TMPRSS6: variants seen among roughly 807,000 people sequenced by gnomAD.
TMPRSS6 encodes the protein transmembrane protease serine 6.
A neutral mutation model predicts 101.5 loss-of-function variants in TMPRSS6; 67 were observed. The ratio of observed to expected loss-of-function variants is 0.66; its 90% CI spans 0.54 to 0.81. The LOEUF is 0.81. Ranked by LOEUF, TMPRSS6 falls within the 30% of genes least tolerant of loss-of-function variation. The pLI, the probability that TMPRSS6 is intolerant of heterozygous loss-of-function variation, is 0.00. For missense variants in TMPRSS6, 1,034 were observed against 1,088.7 expected, an observed-to-expected ratio of 0.95 and a Z score of 0.71; for synonymous variants, 453 against 464.9, an observed-to-expected ratio of 0.97 and a Z score of 0.33.
intron 2 of TMPRSS6, among the ~76,000 whole-genome samples, chr22:37,099,746 A>G (rs1930135144): frequency 6.6e-6 from 1 of 152,174 alleles, no homozygotes; most frequent in Non-Finnish European, 1.5e-5. Context: ...GTCAGGGAAG[A>G]AGGTGATGTA....
At chr22:37,084,441 G>A (rs1336459507) in intron 9 of TMPRSS6, 37 bp from the exon 10 acceptor site, 1 of 1,514,842 alleles carries the variant, frequency 6.6e-7, no homozygotes, top group Non-Finnish European at 9.1e-7. Flanking sequence ...TGGCCCATGG[G>A]GTGTGGCCAG....
rs148600064 is a variant in TMPRSS6, at chr22:37,067,193, G to A, written c.2114-231C>T. Among the ~76,000 whole-genome samples, 413 of 152,280 alleles carry A rather than the reference G, an allele frequency of 2.7e-3. 1 individual carries two copies. The highest frequency in any genetic ancestry group is 9.1e-3 in the African/African-American group (379 of 41,558). ...CCGACCAAAGCCCATGTGGAGGGCC[G>A]GGCACGGTGGCTCATGCCTGTAATC... On this transcript the variant is annotated intron_variant, in intron 16 of 17. Coordinates refer to ENST00000676104, the MANE Select transcript of TMPRSS6 (RefSeq NM_001374504.1).
chr22:37,084,205 T>C, intron 10 of TMPRSS6, 90 bp downstream of exon 10: 2 of 1,150,768 alleles, frequency 1.7e-6, no homozygotes, highest in Non-Finnish European at 2.5e-6. Context: ...ATTGGGGACT[T>C]GGGCTTCCAA....
At chr22:37,096,216 C>G in intron 4 of TMPRSS6, 126 bp from the exon 5 acceptor site, 4 of 1,092,762 alleles carry the variant, frequency 3.7e-6, no homozygotes, top group Middle Eastern at 5.1e-4. Context: ...CACGCAGAAG[C>G]CTCCTAGCGA....
chr22:37,084,898 G>A, intron 8 of TMPRSS6, 59 bp from the exon 9 acceptor site: 2 of 1,367,194 alleles, frequency 1.5e-6, no homozygotes, highest in Non-Finnish European at 2.0e-6. Context: ...CCAGCAGGCT[G>A]GCGCAGCTTG....
chr22:37,076,234 A>T (rs1415083107), intron 10 of TMPRSS6, among the ~76,000 whole-genome samples: 1 of 151,908 alleles, frequency 6.6e-6, no homozygotes, highest in African/African-American at 2.4e-5. Flanking sequence ...ACGAGGGGGC[A>T]GCAGTGCTCC....
intron 5 of TMPRSS6, 37 bp from the exon 6 acceptor site, chr22:37,095,629 C>CAGAAAAAAAAAAAAAAAAAAAAAAAAAAA: frequency 8.5e-7 from 1 of 1,176,576 alleles, no homozygotes; most frequent in South Asian, 1.6e-5. Flanking sequence ...TAAACAAGAA[C>CAGAAAAAAAAAAAAAAAAAAAAAAAAAAA]AAAAAAAAAA....
At chr22:37,078,973 A>AAAAAAG (rs1555888508) in intron 10 of TMPRSS6, among the ~76,000 whole-genome samples, 1 of 106,510 alleles carries the variant, frequency 9.4e-6, no homozygotes, top group African/African-American at 3.6e-5. Flanking sequence ...GAAAGAAAGA[A>AAAAAAG]AAAGAAAGAA....
rs116273559 is a variant in TMPRSS6, at chr22:37,105,317, A to G, written c.-1-1899T>C. On this transcript the variant is annotated intron_variant, in intron 1 of 17. Coordinates refer to ENST00000676104, the MANE Select transcript of TMPRSS6 (RefSeq NM_001374504.1). ...CATTCCTGCATGTGGAGTGGGCCCT[A>G]CTGGCTTTTATGGGGCCAAGGCCAG... Among the ~76,000 whole-genome samples the G allele has an allele frequency of 7.0e-3, 1,061 of 152,302 alleles. 8 individuals are homozygous for G. Among genetic ancestry groups the G allele is most frequent in the African/African-American group, 0.024 (1,012 of 41,568 alleles).
intron 13 of TMPRSS6, 68 bp downstream of exon 13, chr22:37,073,464 G>T: frequency 1.9e-6 from 2 of 1,046,130 alleles, no homozygotes; most frequent in Non-Finnish European, 1.5e-6. Context: ...AGAAACTTTT[G>T]CTGAAGCATG....
chr22:37,074,808 C>T (rs1023148037), intron 11 of TMPRSS6, 100 bp from the exon 12 acceptor site: 231 of 1,257,210 alleles, frequency 1.8e-4, no homozygotes, highest in Non-Finnish European at 2.6e-4. Flanking sequence ...TTCACTCACA[C>T]GCGCATGGAC....
At chr22:37,088,078 C>A (rs183284561) in intron 7 of TMPRSS6, among the ~76,000 whole-genome samples, 132 of 152,268 alleles carry the variant, frequency 8.7e-4, no homozygotes, top group Admixed American at 2.4e-3. Flanking sequence ...AGGAACAGAG[C>A]TGGGCCTGGC....
chr22:37,096,041 G>T lies in TMPRSS6; in HGVS notation c.454C>A (p.His152Asn). The change falls in exon 5 of 18, where the codon CAC becomes AAC. Residue 152 changes from histidine to asparagine, a missense_variant. Coordinates refer to ENST00000676104, the MANE Select transcript of TMPRSS6 (RefSeq NM_001374504.1). ...FFWFILQIPE[H>N]RRLMLSPEVV... ...TCGGGGCTCAGCATCAGCCGGCGGT[G>T]CTCGGGGATTTGGAGAATGAACCAG... 5 of 1,614,226 alleles carry T rather than the reference G, an allele frequency of 3.1e-6. No homozygotes were observed. Among genetic ancestry groups the T allele is most frequent in the South Asian group, 1.1e-5 (1 of 91,086 alleles).
chr22:37,094,060 A>G (rs1285751284), intron 6 of TMPRSS6, among the ~76,000 whole-genome samples: 1 of 152,084 alleles, frequency 6.6e-6, no homozygotes, highest in African/African-American at 2.4e-5. Flanking sequence ...TGGGCTATAC[A>G]AAATCAGGCA....
At chr22:37,072,599 AT>A (rs1324079410) in intron 13 of TMPRSS6, among the ~76,000 whole-genome samples, 7 of 134,988 alleles carry the variant, frequency 5.2e-5, no homozygotes, top group African/African-American at 2.0e-4. Context: ...TGGATGATGG[AT>A]GGATGGATGG....
In TMPRSS6 at chr22:37,089,742, G is replaced by A. The variant is rs1929084931; in HGVS notation, c.672C>T (p.Leu224=). 2.5e-6 allele frequency: 4 copies of A among 1,612,574 alleles called. No homozygotes were observed. In the South Asian group the frequency reaches 3.3e-5, roughly 13 times the overall value. The change falls in exon 7 of 18, where the codon CTC becomes CTT. Residue 224 remains leucine, a synonymous_variant. Transcript: ENST00000676104. ...RYSYVGQGQV[L]RLKGPDHLAS... is the part of the protein sequence containing the mutation. ...CCAGGTGGTCAGGCCCCTTCAGCCG[G>A]AGGACCTGGCCCTGGCCCACGTAGC... is the stretch of plus-strand genomic sequence containing the variant.
chr22:37,079,913 G>A (rs1213996773), intron 10 of TMPRSS6, among the ~76,000 whole-genome samples: 1 of 152,244 alleles, frequency 6.6e-6, no homozygotes, highest in African/African-American at 2.4e-5. Flanking sequence ...TAGCGCTCCG[G>A]AGAACACAAG....
chr22:37,084,839 G>A lies in TMPRSS6; in HGVS notation c.974C>T (p.Ala325Val). 2 of 1,551,760 alleles carry A rather than the reference G, an allele frequency of 1.3e-6. No homozygotes were observed. Among genetic ancestry groups the A allele is most frequent in the Non-Finnish European group, 1.7e-6 (2 of 1,147,264 alleles). ...GTCCAGCGTCAGGTTCACTTCACAG[G>A]CTGGACCAGGAGAGCAGCTGTTACA... Reference protein sequence around the residue: ...VLSVQPVVFQACEVNLTLDNR... With the variant: ...VLSVQPVVFQVCEVNLTLDNR... Residue 325 changes from alanine to valine, a missense_variant and splice_region_variant, in exon 9 of 18, where the codon GCC becomes GTC. Physicochemically the swap from Ala to Val is moderately conservative, Grantham distance 64. Coordinates refer to ENST00000676104, the MANE Select transcript of TMPRSS6 (RefSeq NM_001374504.1).
intron 3 of TMPRSS6, 96 bp from the exon 4 acceptor site, chr22:37,096,811 C>A: frequency 8.3e-7 from 1 of 1,201,320 alleles, no homozygotes; most frequent in Admixed American, 2.0e-5. Context: ...CTGGCAGCCC[C>A]GCTCCATGCA....
Sources: gnomAD v4.1 joint callset for allele counts (sites outside exome capture counted in the v4.1 genomes callset) on GRCh38, gnomAD v4.1.1 for gene constraint, MANE v1.5 for transcripts, NCBI Gene and HGNC (gene_info 2026-07-23, HGNC 2026-07-21) for gene names.